Variants in CCDC178 observed in about 807,000 individuals in gnomAD.
CCDC178 encodes the protein coiled-coil domain-containing protein 178.
A neutral mutation model predicts 117.4 loss-of-function variants in CCDC178; 126 were observed. The observed-to-expected ratio is 1.07, with a 90% CI of 0.93 to 1.24. The LOEUF (loss-of-function observed/expected upper bound fraction) is 1.24. Ranked by LOEUF, CCDC178 falls within the 50% of genes most tolerant of loss-of-function variation. The pLI is 0.00. For missense variants in CCDC178, 1,030 were observed against 986.9 expected (o/e 1.04, Z -0.59); for synonymous variants, 283 against 313.4 (o/e 0.90, Z 1.02).
chr18:33,300,162 G>A lies in CCDC178; in HGVS notation c.1023-6850C>T, dbSNP rs1489851501. Among the ~76,000 whole-genome samples, 4 of 152,218 alleles carry A rather than the reference G, an allele frequency of 2.6e-5. No individual in the cohort carries two copies. In the South Asian group the frequency reaches 6.2e-4, roughly 24 times the overall value. ...TCTCTTTCGCTCCCACTCTTGCCAT[G>A]TGACATGCCTGCTTGCCTGCTCCCA... On this transcript the variant is annotated intron_variant, in intron 11 of 22. Coordinates refer to ENST00000383096, the MANE Select transcript of CCDC178 (RefSeq NM_001105528.4).
chr18:33,179,078 A>ATATAT (rs1555656271), intron 20 of CCDC178, among the ~76,000 whole-genome samples: 46 of 55,816 alleles, frequency 8.2e-4, no homozygotes, highest in Non-Finnish European at 1.2e-3. Context: ...AAAAAAAAAA[A>ATATAT]ATATATATAT....
At chr18:33,173,407 G>A (rs1033840372) in intron 20 of CCDC178, among the ~76,000 whole-genome samples, 4 of 152,074 alleles carry the variant, frequency 2.6e-5, no homozygotes, top group African/African-American at 7.2e-5. Context: ...AAAGCATGTA[G>A]GATTTTTATG....
chr18:33,246,348 A>G (rs1310615026), intron 14 of CCDC178, among the ~76,000 whole-genome samples: 2 of 151,728 alleles, frequency 1.3e-5, no homozygotes, highest in Admixed American at 6.6e-5. Context: ...GTCTGAGAAT[A>G]GCTCCCAGGT....
chr18:33,226,713 CT>C, intron 16 of CCDC178, 79 bp downstream of exon 16: 1 of 986,944 alleles, frequency 1.0e-6, no homozygotes, highest in Non-Finnish European at 1.6e-6. Flanking sequence ...GACAAGATGC[CT>C]CATTACAGGC....
chr18:33,409,565 G>A (rs2063823404), intron 3 of CCDC178, among the ~76,000 whole-genome samples: 1 of 152,126 alleles, frequency 6.6e-6, no homozygotes, highest in Non-Finnish European at 1.5e-5. Context: ...TAGAATTAAT[G>A]ACAAACTTTT....
At chr18:33,299,668 A>G (rs1269270591) in intron 11 of CCDC178, among the ~76,000 whole-genome samples, 1 of 152,076 alleles carries the variant, frequency 6.6e-6, no homozygotes, top group Non-Finnish European at 1.5e-5. Flanking sequence ...CAAACAAGCA[A>G]CAGTGTGCAA....
chr18:33,372,699 T>C (rs919050941), intron 5 of CCDC178, among the ~76,000 whole-genome samples: 1 of 152,114 alleles, frequency 6.6e-6, no homozygotes, highest in Non-Finnish European at 1.5e-5. Flanking sequence ...AACTTCCATT[T>C]GAGAAAAAAT....
intron 3 of CCDC178, among the ~76,000 whole-genome samples, chr18:33,402,089 T>C (rs1042955795): frequency 6.6e-6 from 1 of 152,146 alleles, no homozygotes; most frequent in Non-Finnish European, 1.5e-5. Flanking sequence ...GCCACACAAA[T>C]GTTCACAGCC....
Position 33,225,837 on chromosome 18 carries a change from C to T in CCDC178, c.1657-901G>A, listed in dbSNP as rs1045132824. Reference sequence around the variant, plus strand: ...AAATTACAAAATTTAGGTTTACTTCCAAGAGAAGCAGAGGTGTAGATCATC... The same window carrying T: ...AAATTACAAAATTTAGGTTTACTTCTAAGAGAAGCAGAGGTGTAGATCATC... On this transcript the variant is annotated intron_variant, in intron 16 of 22. Coordinates refer to ENST00000383096, the MANE Select transcript of CCDC178 (RefSeq NM_001105528.4). 2.0e-5 allele frequency among the ~76,000 whole-genome samples: 3 copies of T among 152,076 alleles called. No homozygotes were observed. In the East Asian group the frequency reaches 5.8e-4, roughly 29 times the overall value.
intron 21 of CCDC178, among the ~76,000 whole-genome samples, chr18:33,031,686 T>C (rs1033920898): frequency 1.3e-5 from 2 of 152,110 alleles, no homozygotes; most frequent in African/African-American, 2.4e-5. Flanking sequence ...CCTCTTTCTT[T>C]GTGTTAATAT....
At chr18:33,262,359 C>A (rs1417582496) in intron 14 of CCDC178, among the ~76,000 whole-genome samples, 1 of 152,172 alleles carries the variant, frequency 6.6e-6, no homozygotes, top group Non-Finnish European at 1.5e-5. Flanking sequence ...TCAAACATAG[C>A]AACATTTACC....
chr18:33,395,331 G>T (rs1265627634), intron 4 of CCDC178, among the ~76,000 whole-genome samples: 2 of 151,614 alleles, frequency 1.3e-5, no homozygotes, highest in Non-Finnish European at 2.9e-5. Flanking sequence ...AGGGCCTATA[G>T]CACAAAAAAT....
At chr18:33,057,823 T>A (rs2056856628) in intron 21 of CCDC178, among the ~76,000 whole-genome samples, 1 of 152,122 alleles carries the variant, frequency 6.6e-6, no homozygotes, top group South Asian at 2.1e-4. Context: ...TAATTTTGTG[T>A]AAAGAATATG....
chr18:33,070,362 T>G (rs2057086977), intron 21 of CCDC178, among the ~76,000 whole-genome samples: 1 of 152,072 alleles, frequency 6.6e-6, no homozygotes, highest in African/African-American at 2.4e-5. Flanking sequence ...TCTTGACACT[T>G]TCAGCCACAT....
At chr18:33,293,831 C>T (rs1405299576) in intron 11 of CCDC178, among the ~76,000 whole-genome samples, 1 of 151,758 alleles carries the variant, frequency 6.6e-6, no homozygotes, top group African/African-American at 2.4e-5. Context: ...GTATTGTTTC[C>T]AAGGGAAAAC....
chr18:33,330,895 C>A (rs1014130901), intron 10 of CCDC178, among the ~76,000 whole-genome samples: 1 of 152,006 alleles, frequency 6.6e-6, no homozygotes, highest in Admixed American at 6.6e-5. Flanking sequence ...ATGTGAATCT[C>A]GTCCAAAAAA....
At chr18:33,051,669 G>A (rs755455323) in intron 21 of CCDC178, among the ~76,000 whole-genome samples, 8 of 152,172 alleles carry the variant, frequency 5.3e-5, no homozygotes, top group African/African-American at 1.2e-4. Context: ...AATATAGCTC[G>A]ACAATTGTTT....
intron 7 of CCDC178, among the ~76,000 whole-genome samples, chr18:33,349,269 G>A (rs977436539): frequency 7.9e-5 from 12 of 151,842 alleles, no homozygotes; most frequent in Non-Finnish European, 1.5e-4. Flanking sequence ...GTTTCTGTAA[G>A]ACAAAGGGTA....
At chr18:33,155,504 T>C (rs894001175) in intron 20 of CCDC178, among the ~76,000 whole-genome samples, 2 of 152,062 alleles carry the variant, frequency 1.3e-5, no homozygotes, top group Admixed American at 6.5e-5. Flanking sequence ...AGAGTAGAAA[T>C]CAATCAAATT....
Sources: gnomAD v4.1 joint callset for allele counts (sites outside exome capture counted in the v4.1 genomes callset) on GRCh38, gnomAD v4.1.1 for gene constraint, MANE v1.5 for transcripts, NCBI Gene and HGNC (gene_info 2026-07-23, HGNC 2026-07-21) for gene names.